The following PLXNA4 variants were observed in gnomAD, a reference collection of about 807,000 sequenced individuals.
PLXNA4 encodes the protein plexin-A4.
Under a neutral mutation model 191.8 loss-of-function variants are expected in PLXNA4, and 44 were observed. The ratio of observed to expected loss-of-function variants is 0.23; its 90% CI spans 0.18 to 0.29. The LOEUF (loss-of-function observed/expected upper bound fraction) is 0.29. Ranked by LOEUF, PLXNA4 falls within the 10% of genes least tolerant of loss-of-function variation. PLXNA4 has a pLI of 1.00. For synonymous variants in PLXNA4, 1,082 were observed against 1,009.5 expected (o/e 1.07, Z -1.36); for missense variants, 1,800 against 2,488.8 (o/e 0.72, Z 5.89).
chr7:132,577,798 C>G (rs577587460), upstream of PLXNA4, among the ~76,000 whole-genome samples: 37 of 152,286 alleles, frequency 2.4e-4, no homozygotes, highest in Middle Eastern at 3.4e-3. Context: ...AGAGCTGACA[C>G]AAGCGCACAC....
At chr7:132,185,618 ACT>A (rs1405984020) in intron 15 of PLXNA4, among the ~76,000 whole-genome samples, 155 bp from the exon 16 acceptor site, 1 of 151,732 alleles carries the variant, frequency 6.6e-6, no homozygotes, top group African/African-American at 2.4e-5. Context: ...AGTGACAAAG[ACT>A]CTCCTTGGCC....
chr7:132,527,932 T>C (rs913141850), intron 1 of PLXNA4, among the ~76,000 whole-genome samples: 2 of 152,084 alleles, frequency 1.3e-5, no homozygotes, highest in Non-Finnish European at 2.9e-5. Flanking sequence ...AGAGTTAATT[T>C]AGTAACAATC....
At chr7:132,519,206 G>T (rs1425684725) in intron 1 of PLXNA4, among the ~76,000 whole-genome samples, 2 of 152,232 alleles carry the variant, frequency 1.3e-5, no homozygotes, top group Non-Finnish European at 2.9e-5. Flanking sequence ...GCCCCAGCTG[G>T]AGTTGGTGTC....
chr7:132,136,851 A>C (rs1795128961), intron 30 of PLXNA4, among the ~76,000 whole-genome samples: 1 of 152,130 alleles, frequency 6.6e-6, no homozygotes, highest in Admixed American at 6.5e-5. Flanking sequence ...GATATTCCCA[A>C]TATGTACCTT....
intron 1 of PLXNA4, among the ~76,000 whole-genome samples, chr7:132,537,000 T>C (rs569674686): frequency 6.6e-6 from 1 of 152,316 alleles, no homozygotes; most frequent in South Asian, 2.1e-4. Flanking sequence ...ATTTAAAAGA[T>C]GGCAAGGAAG....
intron 1 of PLXNA4, among the ~76,000 whole-genome samples, chr7:132,550,631 G>A (rs141428192): frequency 1.4e-4 from 21 of 152,264 alleles, no homozygotes; most frequent in East Asian, 1.4e-3. Context: ...AGGCACCAAG[G>A]TCTGCTATAC....
chr7:132,576,547 G>A (rs971238375), upstream of PLXNA4: 5 of 985,936 alleles, frequency 5.1e-6, no homozygotes, highest in African/African-American at 1.7e-5. This position sits in a 1 kb window ranked among gnomAD's most constrained non-coding sequence, Gnocchi z 5.8. Flanking sequence ...GCCTCCTCCA[G>A]CCCCAGCCCC....
At chr7:132,166,743 G>T (rs1018364152) in intron 22 of PLXNA4, among the ~76,000 whole-genome samples, 1 of 152,076 alleles carries the variant, frequency 6.6e-6, no homozygotes. Context: ...GGCAGAGCGA[G>T]ACCACGCCAG....
rs774947050 is a variant in PLXNA4, at chr7:132,630,754, G to A, written c.-87+15174C>T. On this transcript the variant is annotated intron_variant, in intron 2 of 4. Transcript: ENST00000378539. Reference sequence around the variant, plus strand: ...TCTCAATCTCCTGACCTTGTGATCCGCCCACCTCGGCCTCCCAAATAGCTG... The same window carrying A: ...TCTCAATCTCCTGACCTTGTGATCCACCCACCTCGGCCTCCCAAATAGCTG... 4.7e-4 allele frequency among the ~76,000 whole-genome samples: 72 copies of A among 151,990 alleles called. 1 individual carries two copies. The highest frequency in any genetic ancestry group is 1.5e-3 in the African/African-American group (62 of 41,438).
intron 1 of PLXNA4, among the ~76,000 whole-genome samples, chr7:132,565,108 T>C (rs568538070): frequency 6.6e-6 from 1 of 152,224 alleles, no homozygotes; most frequent in Non-Finnish European, 1.5e-5. Flanking sequence ...TGTCTTGATT[T>C]TCTTTCACCT....
intron 5 of PLXNA4, among the ~76,000 whole-genome samples, chr7:132,230,354 T>A (rs1584875606): frequency 6.6e-6 from 1 of 152,194 alleles, no homozygotes; most frequent in Non-Finnish European, 1.5e-5. Flanking sequence ...CCCCTTCATA[T>A]CCTTAGGGCA....
intron 8 of PLXNA4, among the ~76,000 whole-genome samples, chr7:132,223,990 A>C (rs1798230555): frequency 6.6e-6 from 1 of 152,166 alleles, no homozygotes; most frequent in Non-Finnish European, 1.5e-5. Flanking sequence ...TGGGGCAAAC[A>C]AAAGATTAGG....
At chr7:132,164,854 G>A (rs1194513741) in intron 23 of PLXNA4, among the ~76,000 whole-genome samples, 1 of 152,218 alleles carries the variant, frequency 6.6e-6, no homozygotes, top group Non-Finnish European at 1.5e-5. Flanking sequence ...TAACTTCAAA[G>A]GAGGATTCAG....
intron 2 of PLXNA4, among the ~76,000 whole-genome samples, chr7:132,606,356 T>A (rs1802923458): frequency 6.6e-6 from 1 of 152,198 alleles, no homozygotes; most frequent in African/African-American, 2.4e-5. Context: ...TACTTTGTTA[T>A]GTCAGCCCCA....
At chr7:132,546,645 A>G (rs937405455) in intron 1 of PLXNA4, among the ~76,000 whole-genome samples, 2 of 152,308 alleles carry the variant, frequency 1.3e-5, no homozygotes, top group South Asian at 2.1e-4. Context: ...AAGAAACAGC[A>G]TTAATGGAAA....
intron 3 of PLXNA4, among the ~76,000 whole-genome samples, chr7:132,312,824 C>T (rs955653129): frequency 5.3e-5 from 8 of 152,160 alleles, no homozygotes; most frequent in Non-Finnish European, 1.2e-4. Context: ...AGATGAAAAG[C>T]ATTTAGCACA....
intron 4 of PLXNA4, among the ~76,000 whole-genome samples, chr7:132,278,245 A>G (rs1037827850): frequency 6.6e-6 from 1 of 152,154 alleles, no homozygotes; most frequent in Admixed American, 6.5e-5. Flanking sequence ...TGGCACAGAC[A>G]CTATCTTTTT....
chr7:132,648,094 C>G (rs1033180435), intron 1 of PLXNA4, among the ~76,000 whole-genome samples: 1 of 151,984 alleles, frequency 6.6e-6, no homozygotes, highest in African/African-American at 2.4e-5. Context: ...AACTCAGTGT[C>G]ATATACACAT....
At position 132,507,892 on chromosome 7, in the gene PLXNA4, C is replaced by T. The variant is rs1186511366; in HGVS notation, c.802G>A (p.Gly268Ser). The change falls in exon 2 of 32, where the codon GGC (glycine) becomes AGC (serine). Residue 268 changes from glycine (G) to serine (S), a missense_variant. Around this residue, in one of 6 missense-constraint regions of PLXNA4, gnomAD observed 1,397 missense variants for 1,880.4 expected, o/e 0.74. Coordinates refer to ENST00000321063, the MANE Select transcript of PLXNA4 (RefSeq NM_020911.2). ...TACACCTGCTCCTTGGTGGTGGAGC[C>T]TGGTGGAGACACCATCTCAGGTTGG... ...TLQPEMVSPP[G>S]STTKEQVYTS... 6.2e-7 allele frequency: 1 copy of T among 1,614,134 alleles called. No homozygotes were observed. The highest frequency in any genetic ancestry group is 8.5e-7 in the Non-Finnish European group (1 of 1,180,026).
Sources: gnomAD v4.1 joint callset for allele counts (sites outside exome capture counted in the v4.1 genomes callset) on GRCh38, gnomAD v4.1.1 for gene constraint, gnomAD v4.1.1 regional missense constraint, Gnocchi (gnomAD v3.1) non-coding constraint, MANE v1.5 for transcripts, NCBI Gene and HGNC (gene_info 2026-07-23, HGNC 2026-07-21) for gene names.